The following PELI1 variants were observed in gnomAD, a reference collection of about 807,000 sequenced individuals.
The protein encoded by PELI1 is pellino E3 ubiquitin protein ligase 1, also known as E3 ubiquitin-protein ligase pellino homolog 1.
PELI1 carries 15 observed loss-of-function variants against 41.3 expected under a neutral mutation model. The ratio of observed to expected loss-of-function variants is 0.36; its 90% CI spans 0.24 to 0.56. The LOEUF (loss-of-function observed/expected upper bound fraction) is 0.56, where lower values mean the gene tolerates loss of function less well. PELI1 is among the 20% of genes least tolerant of loss of function. PELI1 has a pLI of 0.82. For synonymous variants in PELI1, 178 were observed against 180.1 expected, an observed-to-expected ratio of 0.99 and a Z score of 0.09; for missense variants, 403 against 525.5, an observed-to-expected ratio of 0.77 and a Z score of 2.28.
In PELI1 at chr2:64,094,026, T is replaced by G. The variant is rs968364761; in HGVS notation, c.*676A>C. ...ACATTAAGAAAAAATCTTTCCTGAT[T>G]ATCTTCAATGTTGTTAAAAACAAAC... On this transcript the variant is annotated 3_prime_UTR_variant, in exon 7 of 7. Coordinates refer to ENST00000358912, the MANE Select transcript of PELI1 (RefSeq NM_020651.4). The G allele has an allele frequency of 6.5e-6, 1 of 152,686 alleles. No individual in the cohort carries two copies. Among genetic ancestry groups the G allele is most frequent in the Admixed American group, 6.5e-5 (1 of 15,290 alleles). 9.5% of individuals were successfully genotyped at this position (152,686 alleles called of 1,614,324 possible).
intron 1 of PELI1, among the ~76,000 whole-genome samples, chr2:64,137,009 C>T (rs940346882): frequency 6.6e-6 from 1 of 152,150 alleles, no homozygotes; most frequent in Non-Finnish European, 1.5e-5. Context: ...GAGTAAAAAT[C>T]ACTGAAATGT....
intron 1 of PELI1, among the ~76,000 whole-genome samples, chr2:64,120,872 T>A (rs142120661): frequency 2.1e-3 from 320 of 152,342 alleles, no homozygotes; most frequent in African/African-American, 7.3e-3. Flanking sequence ...AGGACAATAG[T>A]TCTGGTTCAC....
chr2:64,102,331 C>CATAT, intron 3 of PELI1, among the ~76,000 whole-genome samples: 1 of 151,658 alleles, frequency 6.6e-6, no homozygotes, highest in African/African-American at 2.4e-5. Flanking sequence ...CATATATATA[C>CATAT]ATATATATAT....
Position 64,093,229 on chromosome 2 carries a change from A to G in PELI1, c.*1473T>C, listed in dbSNP as rs2103649895. On this transcript the variant is annotated 3_prime_UTR_variant, in exon 7 of 7. Coordinates refer to ENST00000358912, the MANE Select transcript of PELI1 (RefSeq NM_020651.4). The stretch of plus-strand genomic sequence containing the variant: ...TTTTTTAAAAACCAAAAGAAAATTC[A>G]GAACAGTTTTGTAATAGGATAAATT... The G allele has an allele frequency of 6.5e-6, 1 of 152,770 alleles. No homozygotes were observed. The highest frequency in any genetic ancestry group is 6.5e-5 in the Admixed American group (1 of 15,304). The allele number at this position is 152,770 out of a possible 1,614,324, so 9.5% of individuals were successfully genotyped here.
At chr2:64,095,636 ATAT>A (rs1333127124) in intron 6 of PELI1, among the ~76,000 whole-genome samples, 18 of 152,186 alleles carry the variant, frequency 1.2e-4, no homozygotes, top group Admixed American at 4.6e-4. Context: ...TATTAACATG[ATAT>A]GACAGAAGAA....
In PELI1 at chr2:64,095,163, T is replaced by G; in HGVS notation, c.796A>C (p.Lys266Gln). The G allele has an allele frequency of 2.5e-6, 4 of 1,614,178 alleles. No individual in the cohort carries two copies. Among genetic ancestry groups the G allele is most frequent in the Non-Finnish European group, 3.4e-6 (4 of 1,179,998 alleles). The change falls in exon 7 of 7, where the codon AAG becomes CAG. Residue 266 changes from lysine to glutamine, a missense_variant. Transcript: ENST00000358912. ...AEGLSHTPTV[K>Q]HLEALRQEIN... is the part of the protein sequence containing the mutation. ...TCCTGTCTTAAAGCTTCTAAATGCTTCACGGTAGGAGTGTGGGAAAGGCCT... is the reference window on the plus strand; with the variant it reads ...TCCTGTCTTAAAGCTTCTAAATGCTGCACGGTAGGAGTGTGGGAAAGGCCT...
At chr2:64,109,227 G>A (rs777946993) in intron 1 of PELI1, among the ~76,000 whole-genome samples, 9 of 152,152 alleles carry the variant, frequency 5.9e-5, no homozygotes, top group Admixed American at 2.6e-4. Flanking sequence ...ATGTCCACCT[G>A]GCAGTAATGA....
chr2:64,117,096 C>T (rs1290345775), intron 1 of PELI1, among the ~76,000 whole-genome samples: 1 of 152,070 alleles, frequency 6.6e-6, no homozygotes, highest in Admixed American at 6.5e-5. Context: ...TCTCCTTAAG[C>T]CTCCCTATTT....
At chr2:64,139,733 A>G (rs1273208247) in intron 1 of PELI1, among the ~76,000 whole-genome samples, 1 of 152,252 alleles carries the variant, frequency 6.6e-6, no homozygotes, top group Non-Finnish European at 1.5e-5. Flanking sequence ...GCATCAATAA[A>G]CACTGAATGT....
chr2:64,109,331 A>C (rs879488415), intron 1 of PELI1, among the ~76,000 whole-genome samples: 2 of 152,216 alleles, frequency 1.3e-5, no homozygotes, highest in Admixed American at 6.5e-5. Context: ...CATAATATGA[A>C]AATATCTAGT....
At chr2:64,107,545 A>C (rs1482149638) in intron 2 of PELI1, among the ~76,000 whole-genome samples, 4 of 152,202 alleles carry the variant, frequency 2.6e-5, no homozygotes, top group Admixed American at 2.6e-4. Context: ...ATAAATGAAG[A>C]CTAACCTACA....
Position 64,094,653 on chromosome 2 carries a change from C to T in PELI1, c.*49G>A, listed in dbSNP as rs1314924557. The T allele has an allele frequency of 7.1e-7, 1 of 1,407,756 alleles. No homozygotes were observed. The highest frequency in any genetic ancestry group is 1.9e-5 in the Admixed American group (1 of 52,956). 87.2% of individuals were successfully genotyped at this position (1,407,756 alleles called of 1,614,324 possible). On this transcript the variant is annotated 3_prime_UTR_variant, in exon 7 of 7. Transcript: ENST00000358912. The stretch of plus-strand genomic sequence containing the variant: ...GTGGACAACAGGTTCGAAAACCCAA[C>T]TCACTTAGCTTATAAATTTATAATG...
intron 1 of PELI1, among the ~76,000 whole-genome samples, chr2:64,125,703 A>G (rs921290988): frequency 6.6e-6 from 1 of 152,332 alleles, no homozygotes; most frequent in South Asian, 2.1e-4. Flanking sequence ...TAACTAATAT[A>G]CCTAGGTTAA....
intron 1 of PELI1, among the ~76,000 whole-genome samples, chr2:64,140,451 T>C (rs1258183020): frequency 6.6e-6 from 1 of 152,086 alleles, no homozygotes; most frequent in Non-Finnish European, 1.5e-5. Context: ...TAGTACAACA[T>C]TCCGAAAAAT....
At chr2:64,131,979 A>G (rs532814976) in intron 1 of PELI1, among the ~76,000 whole-genome samples, 1 of 152,306 alleles carries the variant, frequency 6.6e-6, no homozygotes, top group South Asian at 2.1e-4. Context: ...AAGAAAACAG[A>G]GGTCTTTTTC....
At chr2:64,128,980 TG>T (rs568479153) in intron 1 of PELI1, among the ~76,000 whole-genome samples, 20 of 152,166 alleles carry the variant, frequency 1.3e-4, no homozygotes, top group Admixed American at 2.0e-4. Flanking sequence ...CCTTTCACCA[TG>T]GAAAATTTGG....
intron 1 of PELI1, among the ~76,000 whole-genome samples, chr2:64,108,849 A>C (rs752950523): frequency 6.6e-5 from 10 of 152,230 alleles, no homozygotes; most frequent in Non-Finnish European, 1.3e-4. Flanking sequence ...CCACAACAAA[A>C]GCTTGCTCTC....
At chr2:64,123,417 T>A (rs1389424755) in intron 1 of PELI1, among the ~76,000 whole-genome samples, 1 of 152,208 alleles carries the variant, frequency 6.6e-6, no homozygotes, top group Non-Finnish European at 1.5e-5. Context: ...TTGCAAATCA[T>A]GTATCTGATA....
At chr2:64,102,824 G>C (rs889819630) in intron 3 of PELI1, among the ~76,000 whole-genome samples, 1 of 150,656 alleles carries the variant, frequency 6.6e-6, no homozygotes, top group Non-Finnish European at 1.5e-5. Context: ...ATTTAAAGAG[G>C]AGGAGTCAAT....
Sources: gnomAD v4.1 joint callset for allele counts (sites outside exome capture counted in the v4.1 genomes callset) on GRCh38, gnomAD v4.1.1 for gene constraint, MANE v1.5 for transcripts, NCBI Gene and HGNC (gene_info 2026-07-23, HGNC 2026-07-21) for gene names.